The following LSAMP variants were observed in gnomAD, a reference collection of about 807,000 sequenced individuals.
The protein encoded by LSAMP is limbic system-associated membrane protein.
Under a neutral mutation model 38.6 loss-of-function variants are expected in LSAMP, and 7 were observed. The observed-to-expected ratio is 0.18, with a 90% CI of 0.10 to 0.34. LSAMP has a LOEUF of 0.34. Among genes scored for constraint, LSAMP ranks in the 10% least tolerant of loss-of-function variants. The pLI is 1.00. For synonymous variants in LSAMP, 154 were observed against 166.8 expected, an observed-to-expected ratio of 0.92 and a Z score of 0.59; for missense variants, 313 against 420.0, an observed-to-expected ratio of 0.75 and a Z score of 2.23.
intron 3 of LSAMP, among the ~76,000 whole-genome samples, chr3:116,008,344 C>G (rs1940225622): frequency 6.6e-6 from 1 of 152,174 alleles, no homozygotes; most frequent in Non-Finnish European, 1.5e-5. Flanking sequence ...TGTATTCTTT[C>G]TATCAAATCA....
At chr3:115,822,793 T>A (rs181892527) in intron 6 of LSAMP, among the ~76,000 whole-genome samples, 1 of 152,350 alleles carries the variant, frequency 6.6e-6, no homozygotes, top group Admixed American at 6.5e-5. Context: ...CTTAGCTAGA[T>A]TTGGGCCAGC....
chr3:116,136,590 A>G (rs1709252414), intron 1 of LSAMP, among the ~76,000 whole-genome samples: 1 of 152,060 alleles, frequency 6.6e-6, no homozygotes, highest in South Asian at 2.1e-4. Flanking sequence ...CCCAGTTTCA[A>G]AAGTTGCTTT....
chr3:116,227,682 C>T (rs891673957), intron 1 of LSAMP, among the ~76,000 whole-genome samples: 6 of 151,762 alleles, frequency 4.0e-5, no homozygotes, highest in African/African-American at 7.3e-5. Context: ...TTTTTCCCTC[C>T]CCTGCCAATG....
chr3:116,026,317 G>A (rs770272509), intron 2 of LSAMP, among the ~76,000 whole-genome samples: 13 of 151,986 alleles, frequency 8.6e-5, no homozygotes, highest in African/African-American at 2.2e-4. Context: ...TGACTCTTAC[G>A]GACCCAGAGT....
chr3:116,411,524 G>T (rs930591949), intron 1 of LSAMP, among the ~76,000 whole-genome samples: 2 of 149,376 alleles, frequency 1.3e-5, no homozygotes, highest in African/African-American at 4.9e-5. Flanking sequence ...ACTATCACAA[G>T]GACAAAAAAC....
In LSAMP at chr3:116,084,629, G is replaced by A. The variant is rs371030212; in HGVS notation, c.388+1695C>T. Among the ~76,000 whole-genome samples, 10 of 152,118 alleles carry A rather than the reference G, an allele frequency of 6.6e-5. No individual in the cohort carries two copies. In the East Asian group the frequency reaches 1.4e-3, roughly 21 times the overall value. On this transcript the variant is annotated intron_variant, in intron 2 of 6. Transcript: ENST00000490035. ...TCATCTAGAAACCAAGGGATATAGTGCTCAGATTGTCAAATTTATTCAGTA... is the reference window on the plus strand; with the variant it reads ...TCATCTAGAAACCAAGGGATATAGTACTCAGATTGTCAAATTTATTCAGTA...
At chr3:116,271,461 C>G (rs547614403) in intron 1 of LSAMP, among the ~76,000 whole-genome samples, 13 of 152,128 alleles carry the variant, frequency 8.5e-5, no homozygotes, top group African/African-American at 3.1e-4. Flanking sequence ...AAATATCTTC[C>G]TTAAGATTGC....
intron 2 of LSAMP, among the ~76,000 whole-genome samples, chr3:116,041,111 A>G (rs1056826003): frequency 1.3e-5 from 2 of 151,832 alleles, no homozygotes; most frequent in African/African-American, 4.8e-5. Flanking sequence ...TTTTGTAGAA[A>G]TTGGGTCTCA....
At chr3:116,247,468 C>T (rs1239281860) in intron 1 of LSAMP, among the ~76,000 whole-genome samples, 1 of 152,142 alleles carries the variant, frequency 6.6e-6, no homozygotes, top group Non-Finnish European at 1.5e-5. Flanking sequence ...AGAATGTTTA[C>T]ATGTCAAGAG....
chr3:115,918,707 G>T (rs1451083064), intron 3 of LSAMP, among the ~76,000 whole-genome samples: 4 of 135,226 alleles, frequency 3.0e-5, no homozygotes, highest in Non-Finnish European at 3.1e-5. Flanking sequence ...TAAAGAACAG[G>T]TTTTTTTTTT....
intron 3 of LSAMP, among the ~76,000 whole-genome samples, chr3:115,953,890 T>C (rs1364030370): frequency 6.6e-6 from 1 of 152,188 alleles, no homozygotes; most frequent in Non-Finnish European, 1.5e-5. Flanking sequence ...GCCCAGTTCT[T>C]TCCCTGGTTG....
At chr3:115,915,178 G>A (rs1937224325) in intron 3 of LSAMP, among the ~76,000 whole-genome samples, 1 of 152,158 alleles carries the variant, frequency 6.6e-6, no homozygotes, top group Non-Finnish European at 1.5e-5. Flanking sequence ...GTTTTCTTCA[G>A]TGGTGACCAA....
intron 1 of LSAMP, among the ~76,000 whole-genome samples, chr3:116,284,944 G>T (rs2047173578): frequency 6.6e-6 from 1 of 152,082 alleles, no homozygotes; most frequent in Non-Finnish European, 1.5e-5. Flanking sequence ...ATATACAATG[G>T]CAAGTATATG....
chr3:116,028,643 G>A (rs1205324937), intron 2 of LSAMP, among the ~76,000 whole-genome samples: 1 of 152,086 alleles, frequency 6.6e-6, no homozygotes, highest in Non-Finnish European at 1.5e-5. Context: ...AGCAATAAGA[G>A]GTCTGACAAA....
At chr3:115,897,944 A>G (rs1936770565) in intron 3 of LSAMP, among the ~76,000 whole-genome samples, 2 of 152,124 alleles carry the variant, frequency 1.3e-5, no homozygotes, top group African/African-American at 4.8e-5. Flanking sequence ...TTCATGTGGG[A>G]GCAGTTCGTG....
At chr3:115,852,308 A>T (rs772957685) in intron 4 of LSAMP, among the ~76,000 whole-genome samples, 175 bp downstream of exon 4, 34 of 152,264 alleles carry the variant, frequency 2.2e-4, no homozygotes, top group Admixed American at 1.6e-3. Flanking sequence ...TTGATTTACC[A>T]AATTCAAAGA....
intron 1 of LSAMP, among the ~76,000 whole-genome samples, chr3:116,340,621 A>C (rs1410876255): frequency 6.6e-6 from 1 of 152,070 alleles, no homozygotes. Context: ...CATGCATATA[A>C]TAGTAGTATT....
intron 1 of LSAMP, among the ~76,000 whole-genome samples, chr3:116,436,165 G>C (rs1318024569): frequency 2.0e-5 from 3 of 152,104 alleles, no homozygotes; most frequent in Non-Finnish European, 2.9e-5. Context: ...AATGAAACTG[G>C]ATCTTCATCT....
intron 1 of LSAMP, among the ~76,000 whole-genome samples, chr3:116,381,898 G>A (rs758474872): frequency 2.0e-5 from 3 of 152,058 alleles, no homozygotes; most frequent in Non-Finnish European, 4.4e-5. Context: ...CTAAGGGAGA[G>A]GTTGGAAAAC....
Sources: gnomAD v4.1 joint callset for allele counts (sites outside exome capture counted in the v4.1 genomes callset) on GRCh38, gnomAD v4.1.1 for gene constraint, MANE v1.5 for transcripts, NCBI Gene and HGNC (gene_info 2026-07-23, HGNC 2026-07-21) for gene names.